The following WDR64 variants were observed in gnomAD, a reference collection of about 807,000 sequenced individuals.
WDR64 encodes WD repeat domain 64.
A neutral mutation model predicts 139.3 loss-of-function variants in WDR64; 112 were observed. The ratio of observed to expected loss-of-function variants is 0.80; its 90% confidence interval spans 0.69 to 0.94. The LOEUF (loss-of-function observed/expected upper bound fraction) is 0.94, where lower values mean the gene tolerates loss of function less well. WDR64 is among the 40% of genes least tolerant of loss of function. The pLI is 0.00. For synonymous variants in WDR64, 444 were observed against 437.7 expected, an observed-to-expected ratio of 1.01 and a Z score of -0.18; for missense variants, 1,206 against 1,293.1, an observed-to-expected ratio of 0.93 and a Z score of 1.03.
At chr1:241,791,609 T>G (rs1659216756) in intron 25 of WDR64, among the ~76,000 whole-genome samples, 1 of 151,964 alleles carries the variant, frequency 6.6e-6, no homozygotes, top group Non-Finnish European at 1.5e-5. Flanking sequence ...GAATTTGAGG[T>G]TACAGTGAGC....
At chr1:241,756,932 A>C (rs1178021735) in intron 14 of WDR64, among the ~76,000 whole-genome samples, 1 of 152,222 alleles carries the variant, frequency 6.6e-6, no homozygotes, top group East Asian at 1.9e-4. Context: ...AAATCTCAAA[A>C]ACATCCTATT....
At chr1:241,674,610 C>T (rs374506923) in intron 3 of WDR64, 34 bp from the exon 4 acceptor site, 13 of 1,405,682 alleles carry the variant, frequency 9.2e-6, no homozygotes, top group Admixed American at 2.2e-5. Flanking sequence ...ACCTTTACTG[C>T]TGAAAGTTGA....
intron 19 of WDR64, among the ~76,000 whole-genome samples, chr1:241,771,933 CAT>C (rs1658452649): frequency 4.1e-5 from 3 of 73,488 alleles, no homozygotes; most frequent in Admixed American, 3.1e-4. Flanking sequence ...CATACATATA[CAT>C]ACATACATAC....
At chr1:241,795,170 G>T (rs1659327424) in intron 25 of WDR64, 37 bp from the exon 26 acceptor site, 1 of 1,580,738 alleles carries the variant, frequency 6.3e-7, no homozygotes, top group South Asian at 1.1e-5. Context: ...GATAGGATGT[G>T]CCCCTTTCAT....
At position 241,783,338 on chromosome 1, in the gene WDR64, G is replaced by C. The variant is rs780237006; in HGVS notation, c.2662G>C (p.Glu888Gln). ...LEIIQVIYVE[E>Q]KQVVLTASID... ...AATTATTCAAGTAATCTATGTAGAA[G>C]AAAAACAAGTGGTACTTACTGCCTC... Residue 888 changes from glutamate to glutamine, a missense_variant, in exon 23 of 28, where the codon GAA becomes CAA. Glu to Gln is a conservative substitution (Grantham distance 29, BLOSUM62 2). Coordinates refer to ENST00000437684, the MANE Select transcript of WDR64 (RefSeq NM_001367482.1). 10 of 1,613,892 alleles carry C rather than the reference G, an allele frequency of 6.2e-6. No individual in the cohort carries two copies. Among genetic ancestry groups the C allele is most frequent in the Admixed American group, 1.7e-5 (1 of 59,976 alleles).
intron 26 of WDR64, among the ~76,000 whole-genome samples, chr1:241,795,665 C>T (rs1659342335): frequency 6.6e-6 from 1 of 152,144 alleles, no homozygotes. Context: ...CTAAGCATCA[C>T]TGGTCTCTCT....
At chr1:241,759,112 G>T (rs1050848104) in intron 15 of WDR64, among the ~76,000 whole-genome samples, 21 of 151,800 alleles carry the variant, frequency 1.4e-4, no homozygotes, top group Non-Finnish European at 4.4e-5. Flanking sequence ...TAATATACAG[G>T]TTATGTCATT....
intron 7 of WDR64, 69 bp from the exon 8 acceptor site, chr1:241,687,392 G>A (rs781645799): frequency 7.0e-6 from 11 of 1,568,272 alleles, no homozygotes; most frequent in Non-Finnish European, 9.6e-6. Flanking sequence ...AAAGTAAATT[G>A]CTGAATAGAA....
rs77732605 is a variant in WDR64, at chr1:241,751,714, C to T, written c.1770+1992C>T. Among the ~76,000 whole-genome samples, 211 of 152,226 alleles carry T rather than the reference C, an allele frequency of 1.4e-3. 3 individuals carry two copies. In the East Asian group the frequency reaches 0.037, roughly 27 times the overall value. Reference sequence around the variant, plus strand: ...TCAGAAAAACCCTTGTGCAACTGCCCGCTCTGGGCACAAATCATCACTGTG... The same window carrying T: ...TCAGAAAAACCCTTGTGCAACTGCCTGCTCTGGGCACAAATCATCACTGTG... On this transcript the variant is annotated intron_variant, in intron 14 of 27. Transcript: ENST00000437684.
intron 27 of WDR64, among the ~76,000 whole-genome samples, chr1:241,798,805 A>G (rs965905198): frequency 6.6e-6 from 1 of 152,180 alleles, no homozygotes; most frequent in Admixed American, 6.5e-5. Flanking sequence ...AGAAATGCTA[A>G]TTCTGAATAT....
intron 7 of WDR64, among the ~76,000 whole-genome samples, chr1:241,686,811 T>C (rs1413146904): frequency 6.6e-6 from 1 of 152,202 alleles, no homozygotes; most frequent in Non-Finnish European, 1.5e-5. Context: ...GATGGATTGA[T>C]TCAAATAAGA....
intron 10 of WDR64, among the ~76,000 whole-genome samples, chr1:241,729,110 A>G (rs1668974577): frequency 6.6e-6 from 1 of 152,214 alleles, no homozygotes; most frequent in Non-Finnish European, 1.5e-5. Context: ...TGTTTCCCAG[A>G]GAGCCATAAT....
intron 15 of WDR64, among the ~76,000 whole-genome samples, chr1:241,762,572 A>T (rs1000188555): frequency 1.3e-5 from 2 of 152,140 alleles, no homozygotes; most frequent in Non-Finnish European, 2.9e-5. Context: ...TTACTCTAAT[A>T]TTATAGTACT....
intron 4 of WDR64, 124 bp downstream of exon 4, chr1:241,674,871 T>G: frequency 7.3e-6 from 1 of 136,104 alleles, no homozygotes; most frequent in Non-Finnish European, 1.4e-5. Context: ...CCCTCCCTCC[T>G]TTCTTTCTTT....
chr1:241,683,262 C>A (rs1176264042), intron 6 of WDR64, among the ~76,000 whole-genome samples: 1 of 152,160 alleles, frequency 6.6e-6, no homozygotes, highest in Non-Finnish European at 1.5e-5. Context: ...GGGGTAGGCA[C>A]TCTACTCCTT....
chr1:241,665,258 T>C (rs938340175), intron 2 of WDR64, among the ~76,000 whole-genome samples: 5 of 152,174 alleles, frequency 3.3e-5, no homozygotes, highest in Middle Eastern at 3.2e-3. Flanking sequence ...CTGTCATTTT[T>C]CTCACAAATT....
chr1:241,702,365 C>G (rs1667750197), intron 8 of WDR64, among the ~76,000 whole-genome samples: 2 of 152,150 alleles, frequency 1.3e-5, no homozygotes, highest in Non-Finnish European at 2.9e-5. Context: ...GTTTCCCCAT[C>G]TTTAAATGGT....
intron 9 of WDR64, among the ~76,000 whole-genome samples, chr1:241,712,536 T>C (rs1269879565): frequency 6.6e-6 from 1 of 152,318 alleles, no homozygotes; most frequent in Non-Finnish European, 1.5e-5. Flanking sequence ...AGGATGGCCT[T>C]GAGCCTGGGC....
At chr1:241,701,053 T>C (rs1349761587) in intron 8 of WDR64, among the ~76,000 whole-genome samples, 3 of 152,218 alleles carry the variant, frequency 2.0e-5, no homozygotes, top group Non-Finnish European at 4.4e-5. Context: ...GAAGTTTGTG[T>C]TAGGTTTTAA....
Sources: gnomAD v4.1 joint callset for allele counts (sites outside exome capture counted in the v4.1 genomes callset) on GRCh38, gnomAD v4.1.1 for gene constraint, MANE v1.5 for transcripts, NCBI Gene and HGNC (gene_info 2026-07-23, HGNC 2026-07-21) for gene names.